Variants in F2 observed in about 807,000 individuals in gnomAD.
F2 encodes the protein prothrombin.
F2 carries 34 observed loss-of-function variants against 81.9 expected under a neutral mutation model. The observed-to-expected ratio is 0.42, with a 90% confidence interval of 0.32 to 0.55. The LOEUF (loss-of-function observed/expected upper bound fraction) is 0.55, where lower values mean the gene tolerates loss of function less well. Ranked by LOEUF, F2 falls within the 20% of genes least tolerant of loss-of-function variation. F2 has a pLI of 0.18. For missense variants in F2, 630 were observed against 833.4 expected (o/e 0.76, Z 3.00); for synonymous variants, 296 against 326.4 (o/e 0.91, Z 1.01).
chr11:46,736,058 C>G (rs1250294124), intron 12 of F2, among the ~76,000 whole-genome samples: 2 of 151,812 alleles, frequency 1.3e-5, no homozygotes, highest in Admixed American at 6.6e-5. Flanking sequence ...AAAAAATTAG[C>G]CTGGCATGGT....
rs552180850 is a variant in F2, at chr11:46,729,260, G to A, written c.1473-120G>A. On this transcript the variant is annotated intron_variant, in intron 11 of 13. Transcript: ENST00000311907. ...CTCCCAAAGTGCCGAGACCACAGGCGTGAACGTCTGTGCCCAGCCAGCTCT... is the reference window on the plus strand; with the variant it reads ...CTCCCAAAGTGCCGAGACCACAGGCATGAACGTCTGTGCCCAGCCAGCTCT... 2,721 of 1,148,378 alleles carry A rather than the reference G, an allele frequency of 2.4e-3. 4 individuals are homozygous for A. The highest frequency in any genetic ancestry group is 3.0e-3 in the Non-Finnish European group (2,449 of 805,926). 71.1% of individuals were successfully genotyped at this position (1,148,378 alleles called of 1,614,324 possible).
chr11:46,732,364 G>T (rs1299825263), intron 12 of F2, among the ~76,000 whole-genome samples: 2 of 151,576 alleles, frequency 1.3e-5, no homozygotes, highest in African/African-American at 4.8e-5. Flanking sequence ...TGGACTTAAG[G>T]ATCCTTACTT....
At chr11:46,720,652 C>A in intron 3 of F2, 105 bp downstream of exon 3, 1 of 1,510,198 alleles carries the variant, frequency 6.6e-7, no homozygotes, top group Non-Finnish European at 9.2e-7. Context: ...CACCCATCCA[C>A]CCCTTCCCCA....
chr11:46,725,462 T>G (rs974540208), intron 6 of F2, among the ~76,000 whole-genome samples: 2 of 152,012 alleles, frequency 1.3e-5, no homozygotes, highest in Non-Finnish European at 2.9e-5. Flanking sequence ...TGATGATAAA[T>G]AAGTTGCAGG....
chr11:46,737,839 CT>C lies in F2; in HGVS notation c.1655-1197del, dbSNP rs112666449. Among the ~76,000 whole-genome samples the C allele has an allele frequency of 3.2e-3, 454 of 141,026 alleles. 5 individuals are homozygous for C. Among genetic ancestry groups the C allele is most frequent in the Middle Eastern group, 0.012 (3 of 252 alleles). 92.5% of individuals were successfully genotyped at this position (141,026 alleles called of 152,430 possible). On this transcript the variant is annotated intron_variant, in intron 12 of 13. Transcript: ENST00000311907. ...GTTTACTTTGCTGTTCTCTTGCTAGCTTTTTTTTTTTTCAGATAGGGTCTTG... is the reference window on the plus strand; with the variant it reads ...GTTTACTTTGCTGTTCTCTTGCTAGCTTTTTTTTTTTCAGATAGGGTCTTG...
At chr11:46,725,164 G>A (rs555349045) in intron 6 of F2, among the ~76,000 whole-genome samples, 1 of 148,818 alleles carries the variant, frequency 6.7e-6, no homozygotes, top group African/African-American at 2.5e-5. Context: ...CCACCTCCTG[G>A]GTTCAGGCGA....
In F2 at chr11:46,728,632, G is replaced by T. The variant is rs958283528; in HGVS notation, c.1299-32G>T. On this transcript the variant is annotated intron_variant, in intron 10 of 13. Transcript: ENST00000311907. The surrounding 1 kb of genome is among the most constrained non-coding windows in gnomAD (Gnocchi z 5.1). ...CTGCTCCTTGCTGGGTGAACCTGCA[G>T]CTTCTCCATTTCTTTCTTGGGGTCT... 1 of 1,613,252 alleles carries T rather than the reference G, an allele frequency of 6.2e-7. No individual in the cohort carries two copies. The highest frequency in any genetic ancestry group is 8.5e-7 in the Non-Finnish European group (1 of 1,179,410).
intron 12 of F2, among the ~76,000 whole-genome samples, chr11:46,730,789 T>TAC: frequency 6.6e-6 from 1 of 150,574 alleles, no homozygotes; most frequent in South Asian, 2.1e-4. Context: ...GGAATTTTTA[T>TAC]ATATATATAT....
At chr11:46,721,859 T>TTTG (rs2064838961) in intron 4 of F2, among the ~76,000 whole-genome samples, 1 of 151,852 alleles carries the variant, frequency 6.6e-6, no homozygotes, top group Admixed American at 6.6e-5. Flanking sequence ...TTTTTTTTTT[T>TTTG]TGAGGTGGAG....
rs552553245 is a variant in F2, at chr11:46,723,231, C to G, written c.368C>G (p.Thr123Ser). Residue 123 changes from threonine to serine, a missense_variant, in exon 5 of 14, where the codon ACC becomes AGC. Physicochemically the swap from Thr to Ser is moderately conservative, Grantham distance 58. Transcript: ENST00000311907. This position sits in a 1 kb window ranked among gnomAD's most constrained non-coding sequence, Gnocchi z 5.6. ...GTNYRGHVNITRSGIECQLWR... is the reference protein window; with the variant it reads ...GTNYRGHVNISRSGIECQLWR... Reference sequence around the variant, plus strand: ...AACTACCGAGGGCATGTGAACATCACCCGGTCAGGCATTGAGTGCCAGCTA... The same window carrying G: ...AACTACCGAGGGCATGTGAACATCAGCCGGTCAGGCATTGAGTGCCAGCTA... 15 of 1,614,058 alleles carry G rather than the reference C, an allele frequency of 9.3e-6. No homozygotes were observed. The South Asian group carries it at 1.6e-4, about 18-fold the overall frequency.
chr11:46,720,933 C>G lies in F2; in HGVS notation c.316+93C>G, dbSNP rs867734312. 10 of 1,348,226 alleles carry G rather than the reference C, an allele frequency of 7.4e-6. No individual in the cohort carries two copies. The Admixed American group carries it at 1.5e-4, about 21-fold the overall frequency. The allele number at this position is 1,348,226 out of a possible 1,614,324, so 83.5% of individuals were successfully genotyped here. A position where few individuals can be genotyped will look rare whatever the true frequency, so the allele number is the denominator to read the frequency against. On this transcript the variant is annotated intron_variant, in intron 4 of 13. Transcript: ENST00000311907. ...GGTTTGGAGTGTGGCTGGTGGAGGC[C>G]GAGGCAGTCCCCAGCATCTGACATT...
chr11:46,719,343 G>T lies in F2; in HGVS notation c.79+29G>T. Reference sequence around the variant, plus strand: ...AGGGAGTGCTTGCAGGCTGGAACAGGCTGGAGGACTGGGGTGTGGGCCCAT... The same window carrying T: ...AGGGAGTGCTTGCAGGCTGGAACAGTCTGGAGGACTGGGGTGTGGGCCCAT... On this transcript the variant is annotated intron_variant, in intron 1 of 13. Coordinates refer to ENST00000311907, the MANE Select transcript of F2 (RefSeq NM_000506.5). The surrounding 1 kb of genome is among the most constrained non-coding windows in gnomAD (Gnocchi z 4.7). 1 of 1,603,924 alleles carries T rather than the reference G, an allele frequency of 6.2e-7. No individual in the cohort carries two copies. The highest frequency in any genetic ancestry group is 1.1e-5 in the South Asian group (1 of 89,716).
rs121918478 is a variant in F2, at chr11:46,728,746, C to T, written c.1381C>T (p.Arg461Trp). The T allele has an allele frequency of 1.2e-5, 19 of 1,614,040 alleles. No homozygotes were observed. The highest frequency in any genetic ancestry group is 2.7e-5 in the African/African-American group (2 of 74,924). The change falls in exon 11 of 14, where the codon CGG (arginine) becomes TGG (tryptophan). Residue 461 changes from arginine to tryptophan, a missense_variant. Physicochemically the swap from Arg to Trp is moderately radical, Grantham distance 101. Coordinates refer to ENST00000311907, the MANE Select transcript of F2 (RefSeq NM_000506.5). The surrounding 1 kb of genome is among the most constrained non-coding windows in gnomAD (Gnocchi z 5.1). ...PRYNWRENLD[R>W]DIALMKLKKP... Reference sequence around the variant, plus strand: ...GTACAACTGGCGGGAGAACCTGGACCGGGACATTGCCCTGATGAAGCTGAA... The same window carrying T: ...GTACAACTGGCGGGAGAACCTGGACTGGGACATTGCCCTGATGAAGCTGAA...
intron 2 of F2, chr11:46,720,203 C>T (rs1419871812): frequency 5.5e-6 from 3 of 548,908 alleles, no homozygotes; most frequent in Non-Finnish European, 9.8e-6. Flanking sequence ...CACCACAAGC[C>T]CCCGGGCTCA....
At chr11:46,720,637 C>G in intron 3 of F2, 90 bp downstream of exon 3, 1 of 1,494,168 alleles carries the variant, frequency 6.7e-7, no homozygotes, top group Non-Finnish European at 9.3e-7. Flanking sequence ...CTGCACCTAG[C>G]CATCCACCCA....
intron 12 of F2, among the ~76,000 whole-genome samples, chr11:46,736,165 T>G (rs1329353348): frequency 6.6e-6 from 1 of 152,234 alleles, no homozygotes; most frequent in Non-Finnish European, 1.5e-5. Context: ...ATGGTGCCAC[T>G]GCACTCCAGC....
chr11:46,737,868 C>G (rs957453176), intron 12 of F2, among the ~76,000 whole-genome samples: 2 of 148,950 alleles, frequency 1.3e-5, no homozygotes, highest in African/African-American at 5.0e-5. Flanking sequence ...GGGTCTTGCT[C>G]TGTTGCCCAG....
At chr11:46,727,471 T>C (rs2064881753) in intron 9 of F2, among the ~76,000 whole-genome samples, 1 of 151,974 alleles carries the variant, frequency 6.6e-6, no homozygotes, top group Non-Finnish European at 1.5e-5. Context: ...AGGACCTAGT[T>C]AGGGGGTGCA....
chr11:46,727,860 A>G, intron 9 of F2, 136 bp from the exon 10 acceptor site: 3 of 943,112 alleles, frequency 3.2e-6, no homozygotes, highest in Non-Finnish European at 4.7e-6. Flanking sequence ...AAAGGCGGCC[A>G]GCCCAAGCTT....
Sources: gnomAD v4.1 joint callset for allele counts (sites outside exome capture counted in the v4.1 genomes callset) on GRCh38, gnomAD v4.1.1 for gene constraint, Gnocchi (gnomAD v3.1) non-coding constraint, MANE v1.5 for transcripts, NCBI Gene and HGNC (gene_info 2026-07-23, HGNC 2026-07-21) for gene names.